Variants in NOB1 observed in about 807,000 individuals in gnomAD.
The protein encoded by NOB1 is NIN1 (RPN12) binding protein 1 homolog, also known as RNA-binding protein NOB1.
A neutral mutation model predicts 44.8 loss-of-function variants in NOB1; 44 were observed. That is an observed-to-expected ratio of 0.98 (90% CI 0.77 to 1.26). The LOEUF is 1.26. Ranked by LOEUF, NOB1 falls within the 50% of genes most tolerant of loss-of-function variation. NOB1 has a pLI of 0.00. For missense variants in NOB1, 560 were observed against 544.8 expected (o/e 1.03, Z -0.28); for synonymous variants, 238 against 218.7 (o/e 1.09, Z -0.78).
rs749853972 is a variant in NOB1 at position 69,742,517 on chromosome 16, A to G, written c.1054T>C (p.Ser352Pro). 1.9e-6 allele frequency: 3 copies of G among 1,613,996 alleles called. No homozygotes were observed. The East Asian group carries it at 6.7e-5, about 36-fold the overall frequency. Reference protein sequence around the residue: ...EDQRFPQLRLSQKARQKTNVF... With the variant: ...EDQRFPQLRLPQKARQKTNVF... ...TTGGTTTTCTGCCTGGCCTTTTGGG[A>G]GAGTCGCAGCTGAGGGAAGCGCTGA... Residue 352 changes from serine (S) to proline (P), a missense_variant, in exon 9 of 9, where the codon TCC becomes CCC. Physicochemically the swap from Ser to Pro is moderately conservative, Grantham distance 74 (BLOSUM62 -1). Coordinates refer to ENST00000268802, the MANE Select transcript of NOB1 (RefSeq NM_014062.3).
intron 1 of NOB1, 29 bp from the exon 2 acceptor site, chr16:69,754,755 C>T (rs1429522406): frequency 1.2e-6 from 2 of 1,613,570 alleles, no homozygotes; most frequent in African/African-American, 1.3e-5. Context: ...AGCTCAGACC[C>T]ACCCGCACCA....
rs140328288 is a variant in NOB1 at position 69,753,373 on chromosome 16, T to A, written c.197-1002A>T. ...TGTTATTCTCCAGAGTCATCCATAA[T>A]AAACACTTAAAATTTCCTGAAATTA... On this transcript the variant is annotated intron_variant, in intron 2 of 8. Transcript: ENST00000268802. Among the ~76,000 whole-genome samples the A allele has an allele frequency of 2.2e-3, 336 of 152,336 alleles. 2 individuals carry two copies. Among genetic ancestry groups the A allele is most frequent in the South Asian group, 5.6e-3 (27 of 4,832 alleles).
rs774798065 is a variant in NOB1, at chr16:69,744,883, C to T, written c.959G>A (p.Arg320His). ...AGAGGCGCCACTCACCCGGAGGCCG[C>T]GGGGGTTCAGCACCTTGGGGTTGCG... ...FSRNPKVLNP[R>H]GLRYSLPTPK... Residue 320 changes from arginine (R) to histidine (H), a missense_variant, in exon 8 of 9, where the codon CGC becomes CAC. Physicochemically the swap from Arg to His is conservative, Grantham distance 29 (BLOSUM62 0). Coordinates refer to ENST00000268802, the MANE Select transcript of NOB1 (RefSeq NM_014062.3). The T allele has an allele frequency of 3.3e-5, 53 of 1,613,082 alleles. No homozygotes were observed. The highest frequency in any genetic ancestry group is 1.8e-4 in the Middle Eastern group (1 of 5,550).
intron 2 of NOB1, among the ~76,000 whole-genome samples, chr16:69,754,020 G>T (rs2038503860): frequency 6.6e-6 from 1 of 152,140 alleles, no homozygotes; most frequent in South Asian, 2.1e-4. Flanking sequence ...GGTCAGGCTG[G>T]TCTCAAACTC....
At chr16:69,748,108 T>A in intron 7 of NOB1, 124 bp downstream of exon 7, 1 of 639,652 alleles carries the variant, frequency 1.6e-6, no homozygotes, top group Non-Finnish European at 2.7e-6. Context: ...GAGGTTGCAG[T>A]GAGCTGAGAT....
Position 69,754,914 on chromosome 16 carries a change from G to T in NOB1, c.-4C>A, listed in dbSNP as rs1482623415. 1.3e-5 allele frequency: 20 copies of T among 1,577,564 alleles called. No homozygotes were observed. Among genetic ancestry groups the T allele is most frequent in the Non-Finnish European group, 1.6e-5 (19 of 1,163,126 alleles). ...CAACGTGCTCCACTGGAGCCATGTT[G>T]GCTGCGTGAGAGGGGAGCGCGCATG... On this transcript the variant is annotated 5_prime_UTR_variant, in exon 1 of 9. Transcript: ENST00000268802.
chr16:69,742,236 T>C lies in NOB1; in HGVS notation c.*96A>G. On this transcript the variant is annotated 3_prime_UTR_variant, in exon 9 of 9. Coordinates refer to ENST00000268802, the MANE Select transcript of NOB1 (RefSeq NM_014062.3). ...CCGTGAAGCCCGCCTGTTATTTCCA[T>C]CGGGTGGTCCTGGAGACGACACGGC... 1 of 1,472,420 alleles carries C rather than the reference T, an allele frequency of 6.8e-7. No individual in the cohort carries two copies. The highest frequency in any genetic ancestry group is 1.3e-5 in the South Asian group (1 of 76,500). 91.2% of individuals were successfully genotyped at this position (1,472,420 alleles called of 1,614,324 possible). A position where few individuals can be genotyped will look rare whatever the true frequency, so the allele number is the denominator to read the frequency against.
chr16:69,742,466 C>T lies in NOB1; in HGVS notation c.1105G>A (p.Gly369Arg), dbSNP rs150459642. ...TCATTCTCGACAAAGGGTGACACCC[C>T]GGCGATGTAGTCAGGGGCGAACACG... ...TNVFAPDYIA[G>R]VSPFVENDIS... Residue 369 changes from glycine to arginine, a missense_variant, in exon 9 of 9, where the codon GGG becomes AGG. Transcript: ENST00000268802. 1.9e-5 allele frequency: 31 copies of T among 1,614,076 alleles called. No individual in the cohort carries two copies. Among genetic ancestry groups the T allele is most frequent in the Middle Eastern group, 1.6e-4 (1 of 6,084 alleles).
chr16:69,747,092 G>C (rs1009818332), intron 7 of NOB1, among the ~76,000 whole-genome samples: 5 of 151,242 alleles, frequency 3.3e-5, no homozygotes, highest in Non-Finnish European at 7.4e-5. Context: ...TGTGGTGGTG[G>C]GTGCCTGTAG....
intron 6 of NOB1, 118 bp downstream of exon 6, chr16:69,748,800 G>T: frequency 1.1e-6 from 1 of 938,394 alleles, no homozygotes; most frequent in Non-Finnish European, 1.6e-6. Flanking sequence ...GGCACAGGTG[G>T]TTTCCAGAAC....
intron 8 of NOB1, among the ~76,000 whole-genome samples, chr16:69,743,965 G>A (rs565583113): frequency 6.6e-6 from 1 of 152,308 alleles, no homozygotes; most frequent in African/African-American, 2.4e-5. Flanking sequence ...AAAAAAATAT[G>A]TACATGTATA....
intron 7 of NOB1, among the ~76,000 whole-genome samples, chr16:69,746,090 C>G (rs1476301313): frequency 1.3e-5 from 2 of 152,260 alleles, no homozygotes; most frequent in African/African-American, 4.8e-5. Context: ...AGTGGCTGGC[C>G]ACCAGCAGAG....
At position 69,742,141 on chromosome 16, in the gene NOB1, C is replaced by G; in HGVS notation, c.*191G>C. The G allele has an allele frequency of 1.6e-6, 1 of 613,404 alleles. No homozygotes were observed. The highest frequency in any genetic ancestry group is 2.7e-6 in the Non-Finnish European group (1 of 367,546). The allele number at this position is 613,404 out of a possible 1,614,324, so 38.0% of individuals were successfully genotyped here. On this transcript the variant is annotated 3_prime_UTR_variant, in exon 9 of 9. Transcript: ENST00000268802. ...TTCCTTGGCAGGCAGCCAGGCGCTC[C>G]GGTGCTCACAGGCCATGGGACAGTC...
chr16:69,749,030 C>T lies in NOB1; in HGVS notation c.614G>A (p.Gly205Glu), dbSNP rs202043710. The change falls in exon 6 of 9, where the codon GGG (glycine) becomes GAG (glutamate). Residue 205 changes from glycine to glutamate, a missense_variant. By Grantham distance (98) the Gly-to-Glu change is moderately conservative. Coordinates refer to ENST00000268802, the MANE Select transcript of NOB1 (RefSeq NM_014062.3). ...GTTACTGGGGGTTATCCAGCCACCC[C>T]CGTCGTCATCGCTGTCATCTTTTCT... Reference protein sequence around the residue: ...EDRKDDSDDDGGGWITPSNIK... With the variant: ...EDRKDDSDDDEGGWITPSNIK... 5.6e-6 allele frequency: 9 copies of T among 1,614,128 alleles called. No individual in the cohort carries two copies. Among genetic ancestry groups the T allele is most frequent in the Non-Finnish European group, 7.6e-6 (9 of 1,180,054 alleles).
Position 69,742,561 on chromosome 16 carries a change from T to C in NOB1, c.1010A>G (p.Asn337Ser), listed in dbSNP as rs769656111. 2.5e-6 allele frequency: 4 copies of C among 1,613,858 alleles called. No individual in the cohort carries two copies. The East Asian group carries it at 6.7e-5, about 27-fold the overall frequency. Residue 337 changes from asparagine to serine, a missense_variant, in exon 9 of 9, where the codon AAC becomes AGC. By Grantham distance (46) the Asn-to-Ser change is conservative. Transcript: ENST00000268802. ...GCGCTGATCCTCGGTGAGATGGGGG[T>C]TGATGGCGTATTTGCCCCCTTTGGG... ...PTPKGGKYAINPHLTEDQRFP... is the reference protein window; with the variant it reads ...PTPKGGKYAISPHLTEDQRFP...
chr16:69,743,501 C>T (rs1439922341), intron 8 of NOB1, among the ~76,000 whole-genome samples: 2 of 152,054 alleles, frequency 1.3e-5, no homozygotes, highest in Non-Finnish European at 2.9e-5. Flanking sequence ...TAGCATTTAC[C>T]CACTGAAACG....
intron 8 of NOB1, among the ~76,000 whole-genome samples, chr16:69,744,238 T>C (rs1216804092): frequency 6.6e-6 from 1 of 152,164 alleles, no homozygotes; most frequent in Non-Finnish European, 1.5e-5. Flanking sequence ...GGAGAATCGC[T>C]TGAACCCCAG....
intron 8 of NOB1, among the ~76,000 whole-genome samples, 175 bp downstream of exon 8, chr16:69,744,698 C>T (rs150647090): frequency 9.8e-5 from 15 of 152,320 alleles, no homozygotes; most frequent in African/African-American, 2.9e-4. Context: ...CCTGAATAAC[C>T]GGTCGCTTCT....
chr16:69,752,896 C>T (rs972908155), intron 2 of NOB1, among the ~76,000 whole-genome samples: 1 of 151,900 alleles, frequency 6.6e-6, no homozygotes, highest in African/African-American at 2.4e-5. Flanking sequence ...GATTGCGCCA[C>T]TGCACTCCAG....
Sources: allele counts gnomAD v4.1 joint callset (sites outside exome capture counted in the v4.1 genomes callset), GRCh38; gene constraint gnomAD v4.1.1; transcripts MANE v1.5; gene names NCBI Gene and HGNC (gene_info 2026-07-23, HGNC 2026-07-21).